AMBRA1: variants seen among roughly 807,000 people sequenced by gnomAD.
AMBRA1 encodes the protein autophagy and beclin 1 regulator 1, also known as activating molecule in BECN1-regulated autophagy protein 1.
A neutral mutation model predicts 125.4 loss-of-function variants in AMBRA1; 47 were observed. The observed-to-expected ratio is 0.37, with a 90% CI of 0.30 to 0.48. The LOEUF is 0.48. AMBRA1 is among the 20% of genes least tolerant of loss of function. AMBRA1 has a pLI of 0.99. For synonymous variants in AMBRA1, 626 were observed against 655.5 expected (o/e 0.95, Z 0.69); for missense variants, 1,331 against 1,693.4 (o/e 0.79, Z 3.76).
intron 1 of AMBRA1, among the ~76,000 whole-genome samples, chr11:46,565,053 C>T (rs1209481105): frequency 6.6e-6 from 1 of 151,952 alleles, no homozygotes; most frequent in Non-Finnish European, 1.5e-5. Flanking sequence ...GTCCAAGGTT[C>T]GAGACCAGCC....
intron 14 of AMBRA1, among the ~76,000 whole-genome samples, chr11:46,422,181 T>C (rs1317877413): frequency 6.6e-6 from 1 of 152,202 alleles, no homozygotes; most frequent in Non-Finnish European, 1.5e-5. Context: ...AGCTGCTGAT[T>C]CATGATTGAC....
intron 2 of AMBRA1, 62 bp downstream of exon 2, chr11:46,548,184 C>CT: frequency 6.2e-7 from 1 of 1,606,750 alleles, no homozygotes; most frequent in East Asian, 2.2e-5. Context: ...TTAACCCATT[C>CT]TAAGGTCTCA....
At position 46,495,144 on chromosome 11, in the gene AMBRA1, C is replaced by T. The variant is rs921633213; in HGVS notation, c.2340-940G>A. 3 of 152,198 alleles carry T rather than the reference C, an allele frequency of 2.0e-5. No individual in the cohort carries two copies. In the South Asian group the frequency reaches 6.2e-4, roughly 32 times the overall value. The allele number at this position is 152,198 out of a possible 1,614,324, so 9.4% of individuals were successfully genotyped here. A position where few individuals can be genotyped will look rare whatever the true frequency, so the allele number is the denominator to read the frequency against. The stretch of plus-strand genomic sequence containing the variant: ...AAAGGAGCTTCACATGTTTTAGTTT[C>T]CAGTACATCAAAAGAATAATAAGCC... On this transcript the variant is annotated intron_variant, in intron 9 of 17. Coordinates refer to ENST00000683756, the MANE Select transcript of AMBRA1 (RefSeq NM_001387011.1).
intron 11 of AMBRA1, among the ~76,000 whole-genome samples, chr11:46,459,915 A>G (rs990162258): frequency 6.6e-6 from 1 of 152,194 alleles, no homozygotes; most frequent in Non-Finnish European, 1.5e-5. Context: ...GGATTTACCA[A>G]TGAAGTTCAG....
intron 11 of AMBRA1, among the ~76,000 whole-genome samples, chr11:46,458,908 C>T (rs1469828693): frequency 6.6e-5 from 10 of 152,108 alleles, no homozygotes; most frequent in African/African-American, 1.7e-4. Flanking sequence ...ACTACCTATG[C>T]GTATTAGAGG....
intron 1 of AMBRA1, among the ~76,000 whole-genome samples, chr11:46,592,949 G>C (rs1384616992): frequency 6.6e-6 from 1 of 151,824 alleles, no homozygotes; most frequent in Non-Finnish European, 1.5e-5. Context: ...AAATCAACCA[G>C]GAAACAATGT....
At chr11:46,463,495 G>C (rs1565185105) in intron 11 of AMBRA1, among the ~76,000 whole-genome samples, 2 of 152,284 alleles carry the variant, frequency 1.3e-5, no homozygotes, top group South Asian at 4.1e-4. Context: ...AGCTCCTTAA[G>C]AGTAGGGACT....
At chr11:46,585,723 T>TATATATATA (rs1442252869) in intron 1 of AMBRA1, among the ~76,000 whole-genome samples, 13 of 99,752 alleles carry the variant, frequency 1.3e-4, no homozygotes, top group African/African-American at 2.3e-4. Context: ...TATATATATA[T>TATATATATA]TCCTAGCTTC....
chr11:46,551,358 G>T (rs1242790078), intron 1 of AMBRA1, among the ~76,000 whole-genome samples: 4 of 151,928 alleles, frequency 2.6e-5, no homozygotes, highest in African/African-American at 9.7e-5. Context: ...TATCACCCAG[G>T]CTGGAGTGCG....
intron 1 of AMBRA1, among the ~76,000 whole-genome samples, chr11:46,565,705 CA>C (rs990221759): frequency 1.3e-5 from 2 of 148,806 alleles, no homozygotes; most frequent in African/African-American, 2.5e-5. Context: ...GATCATGTCT[CA>C]AAAAAAAACG....
intron 11 of AMBRA1, among the ~76,000 whole-genome samples, chr11:46,469,838 CTTTTTT>C (rs34785738): frequency 1.7e-4 from 22 of 128,310 alleles, no homozygotes; most frequent in Admixed American, 1.2e-3. Flanking sequence ...CTAACTTAAA[CTTTTTT>C]TTTTTTTTTT....
chr11:46,456,476 AG>A lies in AMBRA1; in HGVS notation c.2522-12879del, dbSNP rs75349647. The stretch of plus-strand genomic sequence containing the variant: ...CATCATTATGCAATGCAGCTGCTTA[AG>A]GGGGTGCCTCAGCAGCATAAGAATG... On this transcript the variant is annotated intron_variant, in intron 11 of 17. Transcript: ENST00000683756. Among the ~76,000 whole-genome samples, 1,136 of 152,312 alleles carry A rather than the reference AG, an allele frequency of 7.5e-3. 112 individuals are homozygous for A. The East Asian group carries it at 0.18, about 24-fold the overall frequency.
At chr11:46,520,479 G>C (rs1187812215) in intron 7 of AMBRA1, among the ~76,000 whole-genome samples, 1 of 151,870 alleles carries the variant, frequency 6.6e-6, no homozygotes, top group African/African-American at 2.4e-5. Flanking sequence ...CTTCTTTCTG[G>C]AAAGTTCCTC....
intron 11 of AMBRA1, among the ~76,000 whole-genome samples, chr11:46,452,926 G>A (rs1386157297): frequency 6.6e-6 from 1 of 152,144 alleles, no homozygotes; most frequent in East Asian, 1.9e-4. Flanking sequence ...GCTTTACTGA[G>A]ATATAACTTA....
chr11:46,565,921 T>G (rs2043514542), intron 1 of AMBRA1, among the ~76,000 whole-genome samples: 1 of 151,974 alleles, frequency 6.6e-6, no homozygotes, highest in Non-Finnish European at 1.5e-5. Flanking sequence ...CACAGGTGTG[T>G]GCCATCACAT....
intron 1 of AMBRA1, among the ~76,000 whole-genome samples, chr11:46,576,875 AG>A (rs2043976923): frequency 6.6e-6 from 1 of 152,230 alleles, no homozygotes; most frequent in Admixed American, 6.5e-5. Flanking sequence ...TGAAGATGAT[AG>A]GAAGTTAAAA....
At chr11:46,522,876 G>A (rs1591024481) in intron 7 of AMBRA1, among the ~76,000 whole-genome samples, 1 of 152,190 alleles carries the variant, frequency 6.6e-6, no homozygotes, top group East Asian at 1.9e-4. Flanking sequence ...TCATTAAGAA[G>A]TGACAGGTCC....
At chr11:46,488,903 T>C (rs902072894) in intron 11 of AMBRA1, among the ~76,000 whole-genome samples, 2 of 151,072 alleles carry the variant, frequency 1.3e-5, no homozygotes, top group Non-Finnish European at 2.9e-5. Context: ...AGTAAAAAGG[T>C]TTTTTTGTTT....
At chr11:46,588,364 A>G (rs2044473930) in intron 1 of AMBRA1, among the ~76,000 whole-genome samples, 1 of 152,194 alleles carries the variant, frequency 6.6e-6, no homozygotes, top group Non-Finnish European at 1.5e-5. Context: ...CAAGTTGCCC[A>G]AGAACTTAAA....
Sources: allele counts gnomAD v4.1 joint callset (sites outside exome capture counted in the v4.1 genomes callset), GRCh38; gene constraint gnomAD v4.1.1; transcripts MANE v1.5; gene names NCBI Gene and HGNC (gene_info 2026-07-23, HGNC 2026-07-21).